The following GABRG3 variants were observed in gnomAD, a reference collection of about 807,000 sequenced individuals.
GABRG3 encodes the protein gamma-aminobutyric acid receptor subunit gamma-3.
GABRG3 carries 25 observed loss-of-function variants against 48.8 expected under a neutral mutation model. That is an observed-to-expected ratio of 0.51 (90% confidence interval 0.37 to 0.72). The LOEUF is 0.72. Ranked by LOEUF, GABRG3 falls within the 30% of genes least tolerant of loss-of-function variation. The pLI, the probability that GABRG3 is intolerant of heterozygous loss-of-function variation, is 0.00. For synonymous variants in GABRG3, 227 were observed against 217.6 expected, an observed-to-expected ratio of 1.04 and a Z score of -0.38; for missense variants, 394 against 577.9, an observed-to-expected ratio of 0.68 and a Z score of 3.26.
intron 3 of GABRG3, among the ~76,000 whole-genome samples, chr15:27,124,158 AT>A (rs1897778589): frequency 6.6e-6 from 1 of 152,200 alleles, no homozygotes; most frequent in Admixed American, 6.5e-5. Context: ...CTGGGGACAA[AT>A]TGCAATGTCC....
At chr15:27,154,992 CT>C (rs1898392199) in intron 3 of GABRG3, among the ~76,000 whole-genome samples, 1 of 151,980 alleles carries the variant, frequency 6.6e-6, no homozygotes, top group African/African-American at 2.4e-5. Flanking sequence ...TCCTTACTGT[CT>C]TTCCATTCTT....
Position 27,253,381 on chromosome 15 carries a change from C to T in GABRG3, c.271-73428C>T, listed in dbSNP as rs1430424873. 5.3e-5 allele frequency among the ~76,000 whole-genome samples: 8 copies of T among 152,300 alleles called. No individual in the cohort carries two copies. The East Asian group carries it at 1.5e-3, about 30-fold the overall frequency. On this transcript the variant is annotated intron_variant, in intron 3 of 9. Coordinates refer to ENST00000615808, the MANE Select transcript of GABRG3 (RefSeq NM_033223.5). ...GGCTGCCACCCCTTTCCTGTCCCCT[C>T]TCCTTCTGCCTTAGCGTGGAGGCTG...
At chr15:27,313,270 A>G (rs1302151397) in intron 3 of GABRG3, among the ~76,000 whole-genome samples, 1,922 of 46,544 alleles carry the variant, frequency 0.041, 33 homozygotes, top group Non-Finnish European at 0.054. Flanking sequence ...GTGTATATAT[A>G]TATATATATA....
intron 3 of GABRG3, among the ~76,000 whole-genome samples, chr15:27,112,375 T>C (rs1381767168): frequency 2.0e-5 from 3 of 152,062 alleles, no homozygotes; most frequent in Non-Finnish European, 4.4e-5. Flanking sequence ...AGATTCTTGA[T>C]GTCCTCTTTA....
At chr15:27,520,430 A>G (rs1392531680) in intron 7 of GABRG3, among the ~76,000 whole-genome samples, 1 of 151,732 alleles carries the variant, frequency 6.6e-6, no homozygotes, top group Non-Finnish European at 1.5e-5. Flanking sequence ...CTGTCAACTC[A>G]AAAGTCCCCA....
In GABRG3 at chr15:27,534,771, A is replaced by G. The variant is rs956489216; in HGVS notation, c.*1890A>G. ...CTTATTCCTATTAAGATTGTTGCAT[A>G]TTAAACGGATGCAAAGATATAGATA... is the stretch of plus-strand genomic sequence containing the variant. On this transcript the variant is annotated 3_prime_UTR_variant, in exon 10 of 10. Coordinates refer to ENST00000615808, the MANE Select transcript of GABRG3 (RefSeq NM_033223.5). The G allele has an allele frequency of 1.3e-5, 2 of 152,210 alleles. No individual in the cohort carries two copies. Among genetic ancestry groups the G allele is most frequent in the African/African-American group, 4.8e-5 (2 of 41,454 alleles). The allele number at this position is 152,210 out of a possible 1,614,324, so 9.4% of individuals were successfully genotyped here. A position where few individuals can be genotyped will look rare whatever the true frequency, so the allele number is the denominator to read the frequency against.
At chr15:27,256,739 T>C (rs560017622) in intron 3 of GABRG3, among the ~76,000 whole-genome samples, 2 of 152,306 alleles carry the variant, frequency 1.3e-5, no homozygotes, top group Non-Finnish European at 2.9e-5. Flanking sequence ...GCTCTAAGAT[T>C]ATCCTATCCT....
intron 3 of GABRG3, among the ~76,000 whole-genome samples, chr15:27,095,911 C>G (rs1897259881): frequency 1.3e-5 from 2 of 152,146 alleles, no homozygotes; most frequent in African/African-American, 4.8e-5. Context: ...CAGGATGTCC[C>G]CCAGGACCCG....
chr15:27,493,031 GT>G (rs1385102601), intron 6 of GABRG3, among the ~76,000 whole-genome samples: 3 of 152,180 alleles, frequency 2.0e-5, no homozygotes, highest in Non-Finnish European at 4.4e-5. Context: ...CAAAATAGTA[GT>G]GGTGGCTTTT....
In GABRG3 at chr15:27,203,845, G is replaced by T. The variant is rs1337215109; in HGVS notation, c.271-122964G>T. On this transcript the variant is annotated intron_variant, in intron 3 of 9. Coordinates refer to ENST00000615808, the MANE Select transcript of GABRG3 (RefSeq NM_033223.5). ...TGGCTGCATGCATGTCTTCTTTTGA[G>T]AGGTGTCTGTTCATATCCTTTGAAC... Among the ~76,000 whole-genome samples, 5 of 152,210 alleles carry T rather than the reference G, an allele frequency of 3.3e-5. 1 individual carries two copies. Among genetic ancestry groups the T allele is most frequent in the Admixed American group, 3.3e-4 (5 of 15,280 alleles).
At chr15:27,198,706 T>C (rs960376647) in intron 3 of GABRG3, among the ~76,000 whole-genome samples, 1 of 152,238 alleles carries the variant, frequency 6.6e-6, no homozygotes, top group African/African-American at 2.4e-5. Flanking sequence ...TGTATGTTTA[T>C]TGCAGCACTA....
chr15:27,195,624 TTTTG>T (rs913161303), intron 3 of GABRG3, among the ~76,000 whole-genome samples: 2 of 151,812 alleles, frequency 1.3e-5, no homozygotes, highest in South Asian at 2.1e-4. Context: ...CTGGCCATGT[TTTTG>T]TTTGTTTGTT....
intron 5 of GABRG3, among the ~76,000 whole-genome samples, chr15:27,443,186 C>A (rs922212170): frequency 1.3e-5 from 2 of 152,144 alleles, no homozygotes; most frequent in African/African-American, 4.8e-5. Context: ...CACCGATATA[C>A]CCAAAGGGAA....
chr15:27,202,248 G>C (rs1180416029), intron 3 of GABRG3, among the ~76,000 whole-genome samples: 1 of 152,010 alleles, frequency 6.6e-6, no homozygotes, highest in Admixed American at 6.6e-5. Flanking sequence ...TCTTATTAAA[G>C]ATATTTTTCT....
rs373085895 is a variant in GABRG3, at chr15:27,235,089, A to G, written c.271-91720A>G. Reference sequence around the variant, plus strand: ...ATGCCTTAATACCCTTAAGGAATCTAGTTGTAACTCAAAGAGGCTCCTACT... The same window carrying G: ...ATGCCTTAATACCCTTAAGGAATCTGGTTGTAACTCAAAGAGGCTCCTACT... On this transcript the variant is annotated intron_variant, in intron 3 of 9. Transcript: ENST00000615808. Among the ~76,000 whole-genome samples, 11 of 152,344 alleles carry G rather than the reference A, an allele frequency of 7.2e-5. No individual in the cohort carries two copies. In the South Asian group the frequency reaches 2.3e-3, roughly 32 times the overall value.
At chr15:26,999,889 A>G (rs914505036) in intron 2 of GABRG3, among the ~76,000 whole-genome samples, 1 of 152,098 alleles carries the variant, frequency 6.6e-6, no homozygotes, top group Non-Finnish European at 1.5e-5. Context: ...TGTCTAACCT[A>G]CAGTTAATCT....
At chr15:27,393,090 A>C (rs71465228) in intron 5 of GABRG3, among the ~76,000 whole-genome samples, 2,051 of 152,252 alleles carry the variant, frequency 0.013, 12 homozygotes, top group Non-Finnish European at 0.019. Context: ...TCATGCCTGT[A>C]ATCCGAGCAC....
intron 5 of GABRG3, among the ~76,000 whole-genome samples, chr15:27,397,515 A>T (rs1887341384): frequency 6.6e-6 from 1 of 151,966 alleles, no homozygotes; most frequent in African/African-American, 2.4e-5. Flanking sequence ...TAGTCTGTCC[A>T]TTTTGCCCCC....
intron 5 of GABRG3, among the ~76,000 whole-genome samples, chr15:27,462,198 C>T (rs536813982): frequency 1.3e-5 from 2 of 152,142 alleles, no homozygotes; most frequent in African/African-American, 4.8e-5. Context: ...CGGCTCCTCA[C>T]TCCCACCACT....
Sources: gnomAD v4.1 joint callset for allele counts (sites outside exome capture counted in the v4.1 genomes callset) on GRCh38, gnomAD v4.1.1 for gene constraint, MANE v1.5 for transcripts, NCBI Gene and HGNC (gene_info 2026-07-23, HGNC 2026-07-21) for gene names.